Variants in STK38L observed in about 807,000 individuals in gnomAD.
STK38L encodes serine/threonine kinase 38 like, also known as serine/threonine-protein kinase 38-like.
A neutral mutation model predicts 59.7 loss-of-function variants in STK38L; 28 were observed. That is an observed-to-expected ratio of 0.47 (90% CI 0.35 to 0.64). STK38L has a LOEUF of 0.64. Ranked by LOEUF, STK38L falls within the 30% of genes least tolerant of loss-of-function variation. STK38L has a pLI of 0.01. For missense variants in STK38L, 314 were observed against 555.8 expected (o/e 0.56, Z 4.37); for synonymous variants, 162 against 176.8 (o/e 0.92, Z 0.66).
At chr12:27,266,036 C>G (rs1207549188) in intron 1 of STK38L, among the ~76,000 whole-genome samples, 7 of 152,134 alleles carry the variant, frequency 4.6e-5, no homozygotes, top group African/African-American at 1.7e-4. Context: ...TCCAGTTTGA[C>G]TCCCTGTGAT....
At chr12:27,249,734 A>G (rs1942932211) in intron 1 of STK38L, among the ~76,000 whole-genome samples, 1 of 152,204 alleles carries the variant, frequency 6.6e-6, no homozygotes, top group Admixed American at 6.5e-5. Context: ...CTGGCCATTT[A>G]TACAGAAGGC....
At chr12:27,255,128 C>T (rs1943064807) in intron 1 of STK38L, among the ~76,000 whole-genome samples, 1 of 152,142 alleles carries the variant, frequency 6.6e-6, no homozygotes, top group Admixed American at 6.5e-5. Flanking sequence ...GCTTTAAGAT[C>T]TAAATCCATA....
intron 1 of STK38L, among the ~76,000 whole-genome samples, chr12:27,296,185 T>C (rs1053552698): frequency 1.3e-5 from 2 of 152,234 alleles, no homozygotes; most frequent in Non-Finnish European, 2.9e-5. Context: ...TAAAATATCA[T>C]AAAGTTCCTG....
At chr12:27,290,207 A>T (rs1591899828) in intron 1 of STK38L, among the ~76,000 whole-genome samples, 1 of 152,292 alleles carries the variant, frequency 6.6e-6, no homozygotes, top group Non-Finnish European at 1.5e-5. Context: ...ATAAGCATGC[A>T]CACAAGGTGG....
At chr12:27,304,258 CA>C (rs34994566) in intron 3 of STK38L, among the ~76,000 whole-genome samples, 8,762 of 62,856 alleles carry the variant, frequency 0.14, 221 homozygotes, top group East Asian at 0.38. Flanking sequence ...GAGTCTGTCT[CA>C]AAAAAAAAAA....
intron 1 of STK38L, among the ~76,000 whole-genome samples, chr12:27,290,183 CTT>C (rs955356190): frequency 6.6e-5 from 10 of 152,132 alleles, no homozygotes; most frequent in Admixed American, 4.6e-4. Context: ...TATCTTAAGT[CTT>C]ATATTATCAT....
At chr12:27,292,062 A>G (rs1438749456) in intron 1 of STK38L, among the ~76,000 whole-genome samples, 1 of 152,246 alleles carries the variant, frequency 6.6e-6, no homozygotes, top group East Asian at 1.9e-4. Context: ...AGTCTGGAGA[A>G]AACACACGTG....
intron 1 of STK38L, among the ~76,000 whole-genome samples, chr12:27,292,434 T>C (rs1943917561): frequency 6.6e-6 from 1 of 152,194 alleles, no homozygotes; most frequent in South Asian, 2.1e-4. Context: ...TAATCATGAG[T>C]AAGGGTGGGA....
At chr12:27,283,855 C>A (rs959496033) in intron 1 of STK38L, among the ~76,000 whole-genome samples, 3 of 152,114 alleles carry the variant, frequency 2.0e-5, no homozygotes, top group Non-Finnish European at 2.9e-5. Context: ...ACAAGGAGTT[C>A]CCATGACCTC....
intron 1 of STK38L, among the ~76,000 whole-genome samples, chr12:27,272,052 C>T (rs919389832): frequency 2.6e-5 from 4 of 152,316 alleles, no homozygotes; most frequent in African/African-American, 7.2e-5. Context: ...GGATTTTAAA[C>T]GCTCTCATTG....
intron 1 of STK38L, among the ~76,000 whole-genome samples, chr12:27,248,231 T>C (rs1290472356): frequency 6.6e-6 from 1 of 152,228 alleles, no homozygotes; most frequent in Non-Finnish European, 1.5e-5. Flanking sequence ...TTTTCATGAA[T>C]AGCTATGCTT....
intron 6 of STK38L, 147 bp from the exon 7 acceptor site, chr12:27,314,357 C>T (rs1944531928): frequency 9.1e-6 from 5 of 548,126 alleles, no homozygotes; most frequent in Non-Finnish European, 1.1e-5. Flanking sequence ...GCCATGATCA[C>T]ACCACTGCAC....
chr12:27,316,748 A>G (rs1357665980), intron 9 of STK38L, among the ~76,000 whole-genome samples: 2 of 152,224 alleles, frequency 1.3e-5, no homozygotes, highest in Non-Finnish European at 2.9e-5. Flanking sequence ...CTGGAATTAC[A>G]TTTATAATGA....
At chr12:27,311,065 C>G (rs1171411574) in intron 5 of STK38L, among the ~76,000 whole-genome samples, 11 of 152,190 alleles carry the variant, frequency 7.2e-5, no homozygotes, top group Admixed American at 6.5e-4. Flanking sequence ...TACTTTCCAA[C>G]CTTTGGATCC....
intron 3 of STK38L, among the ~76,000 whole-genome samples, chr12:27,306,893 G>A (rs952543880): frequency 1.3e-5 from 2 of 152,016 alleles, no homozygotes; most frequent in African/African-American, 2.4e-5. Flanking sequence ...ACCACGCCCG[G>A]CTAATTTTTG....
intron 3 of STK38L, among the ~76,000 whole-genome samples, chr12:27,306,752 C>CACACACACACACACACACACAT (rs1491536388): frequency 3.0e-4 from 42 of 139,728 alleles, no homozygotes; most frequent in Middle Eastern, 3.8e-3. Context: ...CACACACACA[C>CACACACACACACACACACACAT]ATATATTTGA....
intron 1 of STK38L, among the ~76,000 whole-genome samples, chr12:27,258,805 G>C (rs1348575547): frequency 1.3e-5 from 2 of 151,668 alleles, no homozygotes; most frequent in African/African-American, 4.9e-5. Context: ...TTCTCTCCAG[G>C]CTCTGGTCAT....
chr12:27,286,284 A>G (rs1399651757), intron 1 of STK38L, among the ~76,000 whole-genome samples: 6 of 152,182 alleles, frequency 3.9e-5, no homozygotes, highest in African/African-American at 1.4e-4. Flanking sequence ...CTCTCCCAGG[A>G]TCACTCTTAA....
rs2136655447 is a variant in STK38L, at chr12:27,323,229, G to T, written c.*774G>T. 6.6e-6 allele frequency: 1 copy of T among 152,256 alleles called. No individual in the cohort carries two copies. The highest frequency in any genetic ancestry group is 6.5e-5 in the Admixed American group (1 of 15,290). The allele number at this position is 152,256 out of a possible 1,614,324, so 9.4% of individuals were successfully genotyped here. On this transcript the variant is annotated 3_prime_UTR_variant, in exon 14 of 14. Transcript: ENST00000389032. ...ACTGTATTATATAACATGTAAAGTT[G>T]ATTTTCTTGTGACAAGAGAACTTCT...
Sources: allele counts gnomAD v4.1 joint callset (sites outside exome capture counted in the v4.1 genomes callset), GRCh38; gene constraint gnomAD v4.1.1; transcripts MANE v1.5; gene names NCBI Gene and HGNC (gene_info 2026-07-23, HGNC 2026-07-21).